ZNF776: variants seen among roughly 807,000 people sequenced by gnomAD.
ZNF776 encodes zinc finger protein 776.
Under a neutral mutation model 7.0 loss-of-function variants are expected in ZNF776, and 4 were observed. The observed-to-expected ratio is 0.57, with a 90% CI of 0.28 to 1.31. The LOEUF (loss-of-function observed/expected upper bound fraction) is 1.31. Among genes scored for constraint, ZNF776 ranks in the 50% most tolerant of loss-of-function variants. The probability of loss-of-function intolerance (pLI) is 0.10; values close to 1 mark genes in which losing one functional copy is unlikely to be tolerated. For synonymous variants in ZNF776, 212 were observed against 213.7 expected (o/e 0.99, Z 0.07); for missense variants, 555 against 625.9 (o/e 0.89, Z 1.21).
intron 1 of ZNF776, among the ~76,000 whole-genome samples, chr19:57,749,954 G>A (rs755427313): frequency 7.2e-4 from 110 of 152,148 alleles, no homozygotes; most frequent in Non-Finnish European, 7.9e-4. Context: ...CACCTGTCTA[G>A]TGTTTGATGT....
At chr19:57,752,631 G>A (rs2009609) in intron 2 of ZNF776, among the ~76,000 whole-genome samples, 21,819 of 152,114 alleles carry the variant, frequency 0.14, 4,615 homozygotes, top group African/African-American at 0.46. Context: ...CTGGCAACAT[G>A]ACGAGCCATA....
At chr19:57,747,697 T>A (rs1354416526) in intron 1 of ZNF776, among the ~76,000 whole-genome samples, 1 of 152,150 alleles carries the variant, frequency 6.6e-6, no homozygotes, top group African/African-American at 2.4e-5. Context: ...GATACATTCT[T>A]GTAGCTTGTG....
rs922211341 is a variant in ZNF776 at position 57,754,235 on chromosome 19, G to A, written c.1105G>A (p.Val369Ile). Residue 369 changes from valine to isoleucine, a missense_variant, in exon 3 of 3, where the codon GTT (valine) becomes ATT (isoleucine). By Grantham distance (29) the Val-to-Ile change is conservative (BLOSUM62 3). Transcript: ENST00000317178. ...GTGCAACCTCATTCAGCATCAGCGA[G>A]TTCACACTGGAGAAAGACCTTTTGA... ...HKCNLIQHQR[V>I]HTGERPFECT... The A allele has an allele frequency of 1.2e-6, 2 of 1,614,104 alleles. No individual in the cohort carries two copies. Among genetic ancestry groups the A allele is most frequent in the East Asian group, 4.5e-5 (2 of 44,874 alleles).
chr19:57,754,083 G>A lies in ZNF776; in HGVS notation c.953G>A (p.Arg318Lys). Residue 318 changes from arginine (R) to lysine (K), a missense_variant, in exon 3 of 3, where the codon AGA becomes AAA. Transcript: ENST00000317178. ...CATCAGCGAGTTCACACTGGAGAAA[G>A]ACCTTATGAATGTGACGAATGTGGG... ...VDHQRVHTGE[R>K]PYECDECGKS... The A allele has an allele frequency of 6.2e-7, 1 of 1,614,098 alleles. No individual in the cohort carries two copies. Among genetic ancestry groups the A allele is most frequent in the South Asian group, 1.1e-5 (1 of 91,072 alleles).
chr19:57,754,623 G>C lies in ZNF776; in HGVS notation c.1493G>C (p.Arg498Pro). 2 of 1,614,026 alleles carry C rather than the reference G, an allele frequency of 1.2e-6. No individual in the cohort carries two copies. The highest frequency in any genetic ancestry group is 1.7e-6 in the Non-Finnish European group (2 of 1,179,980). Reference protein sequence around the residue: ...HECGECGKCFRQKGNLIKHQR... With the variant: ...HECGECGKCFPQKGNLIKHQR... Reference sequence around the variant, plus strand: ...TGTGGAGAATGTGGAAAGTGTTTTCGTCAAAAGGGAAACCTCATTAAACAT... The same window carrying C: ...TGTGGAGAATGTGGAAAGTGTTTTCCTCAAAAGGGAAACCTCATTAAACAT... Residue 498 changes from arginine (R) to proline (P), a missense_variant, in exon 3 of 3, where the codon CGT (arginine) becomes CCT (proline). Physicochemically the swap from Arg to Pro is moderately radical, Grantham distance 103. Coordinates refer to ENST00000317178, the MANE Select transcript of ZNF776 (RefSeq NM_173632.4).
In ZNF776 at chr19:57,754,176, A is replaced by G; in HGVS notation, c.1046A>G (p.Gln349Arg). 1.2e-6 allele frequency: 2 copies of G among 1,614,184 alleles called. No homozygotes were observed. The highest frequency in any genetic ancestry group is 1.7e-6 in the Non-Finnish European group (2 of 1,180,006). The change falls in exon 3 of 3, where the codon CAG becomes CGG. Residue 349 changes from glutamine (Q) to arginine (R), a missense_variant. By Grantham distance (43) the Gln-to-Arg change is conservative (BLOSUM62 1). Coordinates refer to ENST00000317178, the MANE Select transcript of ZNF776 (RefSeq NM_173632.4). ...QRVHTGERPY[Q>R]CGECGKSFNH... is the part of the protein sequence containing the mutation. ...GTTCACACTGGAGAAAGACCTTATC[A>G]GTGTGGAGAATGTGGGAAATCGTTT...
Position 57,755,530 on chromosome 19 carries a change from T to G in ZNF776, c.*843T>G, listed in dbSNP as rs1469758361. 1 of 152,222 alleles carries G rather than the reference T, an allele frequency of 6.6e-6. No homozygotes were observed. Among genetic ancestry groups the G allele is most frequent in the African/African-American group, 2.4e-5 (1 of 41,460 alleles). 9.4% of individuals were successfully genotyped at this position (152,222 alleles called of 1,614,324 possible). A position where few individuals can be genotyped will look rare whatever the true frequency, so the allele number is the denominator to read the frequency against. ...TGAGTGCAGAGCATTTGCGAGGGCT[T>G]CACTCTTCTTTCACTGGATACCAGA... On this transcript the variant is annotated 3_prime_UTR_variant, in exon 3 of 3. Coordinates refer to ENST00000317178, the MANE Select transcript of ZNF776 (RefSeq NM_173632.4).
chr19:57,751,957 C>T (rs568125642), intron 2 of ZNF776, among the ~76,000 whole-genome samples: 8 of 145,332 alleles, frequency 5.5e-5, no homozygotes, highest in Non-Finnish European at 1.0e-4. Flanking sequence ...CTGCAACCTC[C>T]GCTTCCCAGG....
intron 1 of ZNF776, among the ~76,000 whole-genome samples, chr19:57,747,441 A>G (rs1986469572): frequency 1.3e-5 from 2 of 152,322 alleles, no homozygotes; most frequent in South Asian, 2.1e-4. Flanking sequence ...ACAGCTTCCA[A>G]CAAAGGAAGG....
At chr19:57,753,198 T>C (rs571729029) in intron 2 of ZNF776, 93 bp from the exon 3 acceptor site, 34 of 1,209,626 alleles carry the variant, frequency 2.8e-5, no homozygotes, top group African/African-American at 1.5e-5. Flanking sequence ...CAAGTAAATA[T>C]AAGTACAACA....
chr19:57,753,928 T>C lies in ZNF776; in HGVS notation c.798T>C (p.Cys266=). Residue 266 remains cysteine, a synonymous_variant, in exon 3 of 3, where the codon TGT becomes TGC. Coordinates refer to ENST00000317178, the MANE Select transcript of ZNF776 (RefSeq NM_173632.4). ...GVRTGKRPYQ[C]GQCDESFWYK... is the part of the protein sequence containing the mutation. ...GCACTGGAAAAAGACCTTATCAGTG[T>C]GGACAATGTGATGAATCATTTTGGT... 6.2e-7 allele frequency: 1 copy of C among 1,614,250 alleles called. No individual in the cohort carries two copies. The highest frequency in any genetic ancestry group is 8.5e-7 in the Non-Finnish European group (1 of 1,180,048).
intron 1 of ZNF776, among the ~76,000 whole-genome samples, chr19:57,748,353 A>G (rs1312974311): frequency 6.6e-6 from 1 of 152,184 alleles, no homozygotes; most frequent in Non-Finnish European, 1.5e-5. Context: ...GTTGGTAATA[A>G]ACATAATTAG....
intron 1 of ZNF776, among the ~76,000 whole-genome samples, chr19:57,748,181 T>C (rs578161160): frequency 7.8e-4 from 119 of 152,238 alleles, no homozygotes; most frequent in African/African-American, 2.7e-3. Context: ...CAGACTAAGA[T>C]TCATGGCTAA....
At position 57,753,406 on chromosome 19, in the gene ZNF776, G is replaced by T. The variant is rs1266626413; in HGVS notation, c.276G>T (p.Trp92Cys). Residue 92 changes from tryptophan (W) to cysteine (C), a missense_variant, in exon 3 of 3, where the codon TGG (tryptophan) becomes TGT (cysteine). Trp to Cys is a radical substitution (Grantham distance 215). Transcript: ENST00000317178. ...TGVCTKKVHL[W>C]GMCGPLLGDI... ...TATGTACCAAGAAGGTCCACCTCTG[G>T]GGAATGTGTGGCCCTCTCCTGGGAG... 1 of 1,614,198 alleles carries T rather than the reference G, an allele frequency of 6.2e-7. No individual in the cohort carries two copies. The highest frequency in any genetic ancestry group is 1.1e-5 in the South Asian group (1 of 91,086).
chr19:57,750,254 T>C (rs2122511035), intron 1 of ZNF776, among the ~76,000 whole-genome samples: 1 of 148,996 alleles, frequency 6.7e-6, no homozygotes, highest in African/African-American at 2.5e-5. Context: ...TGAAACCTTC[T>C]CTCTACCAAA....
rs1438920979 is a variant in ZNF776, at chr19:57,753,797, C to G, written c.667C>G (p.Leu223Val). 1 of 1,614,260 alleles carries G rather than the reference C, an allele frequency of 6.2e-7. No homozygotes were observed. Among genetic ancestry groups the G allele is most frequent in the Non-Finnish European group, 8.5e-7 (1 of 1,180,044 alleles). Residue 223 changes from leucine (L) to valine (V), a missense_variant, in exon 3 of 3, where the codon CTT becomes GTT. Coordinates refer to ENST00000317178, the MANE Select transcript of ZNF776 (RefSeq NM_173632.4). ...STIPFSNKHS[L>V]VLHQRLLPRE... ...AATACCGTTTAGCAACAAACACTCA[C>G]TTGTCCTTCACCAGAGACTTCTCCC... is the stretch of plus-strand genomic sequence containing the variant.
intron 2 of ZNF776, 27 bp from the exon 3 acceptor site, chr19:57,753,264 A>G: frequency 6.3e-7 from 1 of 1,594,932 alleles, no homozygotes; most frequent in East Asian, 2.2e-5. Flanking sequence ...AGTACCTTGC[A>G]TTTTACCAGC....
Position 57,754,949 on chromosome 19 carries a change from A to G in ZNF776, c.*262A>G. The G allele has an allele frequency of 2.1e-6, 1 of 482,586 alleles. No homozygotes were observed. The highest frequency in any genetic ancestry group is 3.7e-5 in the Admixed American group (1 of 26,784). 29.9% of individuals were successfully genotyped at this position (482,586 alleles called of 1,614,324 possible). ...CCTATAGTTATGGGGAATTTGGGAA[A>G]TTACCTAACAAGAAGTCCCACCTCA... On this transcript the variant is annotated 3_prime_UTR_variant, in exon 3 of 3. Coordinates refer to ENST00000317178, the MANE Select transcript of ZNF776 (RefSeq NM_173632.4).
At position 57,754,545 on chromosome 19, in the gene ZNF776, A is replaced by C. The variant is rs1986715247; in HGVS notation, c.1415A>C (p.Lys472Thr). Residue 472 changes from lysine to threonine, a missense_variant, in exon 3 of 3, where the codon AAG becomes ACG. By Grantham distance (78) the Lys-to-Thr change is moderately conservative. Transcript: ENST00000317178. ...GAATGTGGGAAATGTTTTCATCAAA[A>C]GGGCAGTCTCATTCGACATCAGCAG... ...CGECGKCFHQKGSLIRHQQIH... is the reference protein window; with the variant it reads ...CGECGKCFHQTGSLIRHQQIH... 1 of 1,614,198 alleles carries C rather than the reference A, an allele frequency of 6.2e-7. No individual in the cohort carries two copies. The highest frequency in any genetic ancestry group is 8.5e-7 in the Non-Finnish European group (1 of 1,180,036).
Sources: allele counts gnomAD v4.1 joint callset (sites outside exome capture counted in the v4.1 genomes callset), GRCh38; gene constraint gnomAD v4.1.1; transcripts MANE v1.5; gene names NCBI Gene and HGNC (gene_info 2026-07-23, HGNC 2026-07-21).